CDH18: variants seen among roughly 807,000 people sequenced by gnomAD.
CDH18 encodes the protein cadherin-18.
CDH18 carries 31 observed loss-of-function variants against 67.9 expected under a neutral mutation model. The ratio of observed to expected loss-of-function variants is 0.46; its 90% confidence interval spans 0.34 to 0.62. The LOEUF (loss-of-function observed/expected upper bound fraction) is 0.62, where lower values mean the gene tolerates loss of function less well. CDH18 is among the 20% of genes least tolerant of loss of function. The pLI is 0.01. For synonymous variants in CDH18, 362 were observed against 347.2 expected (o/e 1.04, Z -0.48); for missense variants, 890 against 975.5 (o/e 0.91, Z 1.17).
At chr5:20,469,609 A>G (rs1751908398) in intron 1 of CDH18, among the ~76,000 whole-genome samples, 1 of 152,112 alleles carries the variant, frequency 6.6e-6, no homozygotes, top group Non-Finnish European at 1.5e-5. Flanking sequence ...CAAGTGGTAG[A>G]GGATTTGGGG....
chr5:19,835,919 A>G (rs995921243), intron 3 of CDH18, among the ~76,000 whole-genome samples: 2 of 152,150 alleles, frequency 1.3e-5, no homozygotes, highest in Admixed American at 1.3e-4. Context: ...ACAAACCTCC[A>G]TCGCCTCCTG....
rs114615605 is a variant in CDH18, at chr5:20,558,659, A to G, written c.-580+16803T>C. On this transcript the variant is annotated intron_variant, in intron 1 of 14. Coordinates refer to the CDH18 transcript ENST00000507958. ...TCTCCTCAAGTCTGGGTTCAGCCCT[A>G]TTGTCCACACAGAGCAACAGATGAG... is the stretch of plus-strand genomic sequence containing the variant. Among the ~76,000 whole-genome samples the G allele has an allele frequency of 3.9e-3, 592 of 152,176 alleles. 5 individuals are homozygous for G. The highest frequency in any genetic ancestry group is 0.013 in the African/African-American group (538 of 41,548).
chr5:20,496,482 A>C (rs1163750048), intron 1 of CDH18, among the ~76,000 whole-genome samples: 1 of 152,200 alleles, frequency 6.6e-6, no homozygotes. Flanking sequence ...AATATTTTAC[A>C]CATAGAATTG....
intron 8 of CDH18, among the ~76,000 whole-genome samples, chr5:19,557,642 A>T (rs973594638): frequency 6.6e-6 from 1 of 152,086 alleles, no homozygotes; most frequent in Non-Finnish European, 1.5e-5. Context: ...GTTAAATATA[A>T]AACAGTTACT....
chr5:19,722,450 C>A (rs919812790), intron 4 of CDH18, among the ~76,000 whole-genome samples: 1 of 150,548 alleles, frequency 6.6e-6, no homozygotes, highest in Non-Finnish European at 1.5e-5. Context: ...ATTGTAAATT[C>A]ATTTATAACA....
chr5:20,383,864 T>C (rs138590980), intron 1 of CDH18, among the ~76,000 whole-genome samples: 2 of 152,156 alleles, frequency 1.3e-5, no homozygotes, highest in South Asian at 2.1e-4. Context: ...AGAGAAAGGA[T>C]AATATCATTA....
chr5:20,521,690 T>A (rs946362057), intron 1 of CDH18, among the ~76,000 whole-genome samples: 2 of 152,070 alleles, frequency 1.3e-5, no homozygotes, highest in East Asian at 1.9e-4. Context: ...GTAGGCTGAT[T>A]ACAATAACTC....
chr5:20,421,393 GAGGGAAGCCTGAGAAA>G (rs1255498445), intron 1 of CDH18, among the ~76,000 whole-genome samples: 1 of 150,666 alleles, frequency 6.6e-6, no homozygotes, highest in East Asian at 1.9e-4. Context: ...CTTTCAGATG[GAGGGAAGCCTGAGAAA>G]AGGGAATGAG....
At chr5:19,565,251 T>A (rs1248295236) in intron 8 of CDH18, among the ~76,000 whole-genome samples, 1 of 152,150 alleles carries the variant, frequency 6.6e-6, no homozygotes, top group African/African-American at 2.4e-5. Flanking sequence ...TCCAGTGATA[T>A]GTTCATTTCA....
chr5:20,036,924 T>C (rs1302491905), intron 2 of CDH18, among the ~76,000 whole-genome samples: 1 of 152,102 alleles, frequency 6.6e-6, no homozygotes, highest in Non-Finnish European at 1.5e-5. Flanking sequence ...CATCAGAGAT[T>C]AGGATTGCAA....
At chr5:19,636,506 AT>A (rs1306209945) in intron 5 of CDH18, among the ~76,000 whole-genome samples, 4 of 152,064 alleles carry the variant, frequency 2.6e-5, no homozygotes, top group African/African-American at 9.7e-5. Flanking sequence ...AGTGTAAAAA[AT>A]AATGTGTTTA....
At chr5:20,567,539 G>A (rs1758583654) in intron 1 of CDH18, among the ~76,000 whole-genome samples, 1 of 152,194 alleles carries the variant, frequency 6.6e-6, no homozygotes, top group Non-Finnish European at 1.5e-5. Flanking sequence ...CTGGAAACCA[G>A]AAGCAAATGC....
At chr5:20,311,554 G>A (rs1008501076) in intron 1 of CDH18, among the ~76,000 whole-genome samples, 4 of 152,048 alleles carry the variant, frequency 2.6e-5, no homozygotes, top group Non-Finnish European at 5.9e-5. Flanking sequence ...AACAGAAAAC[G>A]AAAAACCACA....
intron 2 of CDH18, among the ~76,000 whole-genome samples, chr5:20,180,632 A>G (rs1361448878): frequency 6.6e-6 from 1 of 152,140 alleles, no homozygotes; most frequent in Non-Finnish European, 1.5e-5. Flanking sequence ...CCTCATAATC[A>G]AATGAACCTA....
intron 6 of CDH18, among the ~76,000 whole-genome samples, chr5:19,606,109 C>T (rs1747993787): frequency 6.6e-6 from 1 of 151,960 alleles, no homozygotes; most frequent in South Asian, 2.1e-4. Context: ...ATCCGGATTC[C>T]AGGAATAAGA....
At chr5:19,903,999 C>T (rs980569406) in intron 2 of CDH18, among the ~76,000 whole-genome samples, 2 of 151,918 alleles carry the variant, frequency 1.3e-5, no homozygotes, top group Non-Finnish European at 2.9e-5. Flanking sequence ...TCAGGCCAGG[C>T]GCAGTGGCTC....
intron 1 of CDH18, among the ~76,000 whole-genome samples, chr5:20,441,086 C>T (rs1164845510): frequency 6.6e-6 from 1 of 151,818 alleles, no homozygotes; most frequent in East Asian, 1.9e-4. Flanking sequence ...TAATGGGAAT[C>T]CTCTCCAAGA....
intron 2 of CDH18, among the ~76,000 whole-genome samples, chr5:19,914,132 A>T (rs1215367201): frequency 6.6e-6 from 1 of 152,112 alleles, no homozygotes; most frequent in Non-Finnish European, 1.5e-5. Context: ...ATGGAGAGAT[A>T]TAGTCAATGG....
At chr5:19,919,134 G>A (rs1186062364) in intron 2 of CDH18, among the ~76,000 whole-genome samples, 1 of 152,076 alleles carries the variant, frequency 6.6e-6, no homozygotes, top group Non-Finnish European at 1.5e-5. Context: ...TTCCAGGTTG[G>A]TGAATGCATT....
Sources: gnomAD v4.1 joint callset for allele counts (sites outside exome capture counted in the v4.1 genomes callset) on GRCh38, gnomAD v4.1.1 for gene constraint, MANE v1.5 for transcripts, NCBI Gene and HGNC (gene_info 2026-07-23, HGNC 2026-07-21) for gene names.